Variants in VBP1 observed in about 807,000 individuals in gnomAD.
VBP1 encodes VHL binding protein 1.
Under a neutral mutation model 15.5 loss-of-function variants are expected in VBP1, and 4 were observed. The ratio of observed to expected loss-of-function variants is 0.26; its 90% CI spans 0.13 to 0.59. The LOEUF is 0.59. VBP1 is among the 20% of genes least tolerant of loss of function. The probability of loss-of-function intolerance (pLI) is 0.90; values close to 1 mark genes in which losing one functional copy is unlikely to be tolerated. For synonymous variants in VBP1, 61 were observed against 52.1 expected (o/e 1.17, Z -0.74); for missense variants, 108 against 139.6 (o/e 0.77, Z 1.14).
intron 4 of VBP1, among the ~76,000 whole-genome samples, chrX:155,230,944 C>T (rs1173333923): frequency 8.9e-6 from 1 of 111,775 alleles, no homozygotes. Flanking sequence ...TCCCAAAGTG[C>T]TGGGATTACA....
At chrX:155,226,875 A>G (rs2074722227) in intron 2 of VBP1, among the ~76,000 whole-genome samples, 1 of 112,040 alleles carries the variant, frequency 8.9e-6, no homozygotes. Context: ...AGTCTGCTCT[A>G]GAAATGTTAA....
intron 4 of VBP1, among the ~76,000 whole-genome samples, chrX:155,235,700 A>T (rs1050165297): frequency 7.1e-5 from 8 of 112,470 alleles, no homozygotes; most frequent in Admixed American, 4.7e-4. Context: ...TCTTTGAAAA[A>T]TTTTAAATTA....
intron 1 of VBP1, among the ~76,000 whole-genome samples, chrX:155,200,509 A>G (rs2074598626): frequency 9.0e-6 from 1 of 111,514 alleles, no homozygotes; most frequent in Non-Finnish European, 1.9e-5. Context: ...CTGAATGACT[A>G]CTGGGTACAT....
At chrX:155,207,249 A>T in intron 1 of VBP1, among the ~76,000 whole-genome samples, 1 of 111,762 alleles carries the variant, frequency 8.9e-6, no homozygotes, top group East Asian at 2.8e-4. Flanking sequence ...GGAATCGGGT[A>T]AAAAGTAGAT....
chrX:155,205,520 A>T (rs2074623220), intron 1 of VBP1, among the ~76,000 whole-genome samples: 1 of 111,408 alleles, frequency 9.0e-6, no homozygotes, highest in African/African-American at 3.3e-5. Context: ...TATTTTCAGA[A>T]TGCATCCTAA....
chrX:155,221,943 C>T (rs184054578), intron 2 of VBP1, among the ~76,000 whole-genome samples: 1 of 112,074 alleles, frequency 8.9e-6, no homozygotes, highest in Admixed American at 9.4e-5. Context: ...GAACAGTGTG[C>T]TCTCGTTTTG....
At chrX:155,224,289 C>T in intron 2 of VBP1, among the ~76,000 whole-genome samples, 1 of 112,690 alleles carries the variant, frequency 8.9e-6, no homozygotes, top group Non-Finnish European at 1.9e-5. Context: ...GAGATCACGC[C>T]ACTGCACTCC....
At chrX:155,229,641 G>C (rs368288085) in intron 4 of VBP1, among the ~76,000 whole-genome samples, 1 of 111,079 alleles carries the variant, frequency 9.0e-6, no homozygotes, top group Non-Finnish European at 1.9e-5. Context: ...TCTGTCTTTT[G>C]TAACTGTTCT....
At position 155,236,435 on chromosome X, in the gene VBP1, A is replaced by G. The variant is rs181806365; in HGVS notation, c.523+68A>G. On this transcript the variant is annotated intron_variant, in intron 5 of 5. Transcript: ENST00000286428. ...GATTTTTTTAAAAAAACATTCTTTCATGGGCAGAGGGAGAGCATTAGGAAA... is the reference window on the plus strand; with the variant it reads ...GATTTTTTTAAAAAAACATTCTTTCGTGGGCAGAGGGAGAGCATTAGGAAA... 1.9e-4 allele frequency: 218 copies of G among 1,123,548 alleles called. No homozygotes were observed. The East Asian group carries it at 5.6e-3, about 29-fold the overall frequency. The allele number at this position is 1,123,548 out of a possible 1,213,427, so 92.6% of individuals were successfully genotyped here.
At chrX:155,221,063 G>A (rs2074687173) in intron 2 of VBP1, among the ~76,000 whole-genome samples, 1 of 110,863 alleles carries the variant, frequency 9.0e-6, no homozygotes, top group Non-Finnish European at 1.9e-5. Context: ...GGGCCCGGCG[G>A]CTCGCACCTG....
At chrX:155,214,254 G>A (rs2074654128), upstream of VBP1, among the ~76,000 whole-genome samples, 1 of 112,169 alleles carries the variant, frequency 8.9e-6, no homozygotes, top group Non-Finnish European at 1.9e-5. Flanking sequence ...AAAATATCAA[G>A]CAACATTCAT....
intron 5 of VBP1, among the ~76,000 whole-genome samples, chrX:155,237,719 T>C (rs1313172427): frequency 2.7e-5 from 3 of 112,200 alleles, no homozygotes; most frequent in Non-Finnish European, 5.6e-5. Flanking sequence ...GTGCTCTTTT[T>C]TTACCCTTTT....
intron 5 of VBP1, 121 bp from the exon 6 acceptor site, chrX:155,238,651 C>T: frequency 1.1e-5 from 5 of 475,424 alleles, no homozygotes; most frequent in South Asian, 4.7e-5. Context: ...TATTTGTTAC[C>T]AGTATTTGTA....
chrX:155,219,995 C>T (rs1224502235), intron 1 of VBP1, among the ~76,000 whole-genome samples, 188 bp from the exon 2 acceptor site: 1 of 108,409 alleles, frequency 9.2e-6, no homozygotes, highest in African/African-American at 3.3e-5. Context: ...AAAAAAAAAT[C>T]TAAAATCCAA....
intron 4 of VBP1, among the ~76,000 whole-genome samples, chrX:155,230,753 A>G (rs1397685156): frequency 9.2e-6 from 1 of 108,306 alleles, no homozygotes; most frequent in African/African-American, 3.4e-5. Flanking sequence ...TTGTGATCTC[A>G]GCTCACTGCA....
chrX:155,211,508 G>A (rs1557308518), upstream of VBP1, among the ~76,000 whole-genome samples: 1 of 112,230 alleles, frequency 8.9e-6, no homozygotes, highest in Non-Finnish European at 1.9e-5. Flanking sequence ...GCTGATAGAG[G>A]CACTCGTCTC....
Position 155,216,494 on chromosome X carries a change from T to C in VBP1, c.12T>C (p.Val4=). The C allele has an allele frequency of 8.6e-7, 1 of 1,169,523 alleles. No individual in the cohort carries two copies. The highest frequency in any genetic ancestry group is 2.4e-4 in the Middle Eastern group (1 of 4,205). ...CTCGCATCCCCAAGATGGCGGCCGT[T>C]AAGGACAGTTGTGGCAAAGGAGAAA... The part of the protein sequence containing the change: MAA[V]KDSCGKGEMA... Residue 4 remains valine (V), a synonymous_variant, in exon 1 of 6, where the codon GTT becomes GTC. Transcript: ENST00000286428.
At chrX:155,222,800 A>G (rs1353092844) in intron 2 of VBP1, among the ~76,000 whole-genome samples, 1 of 110,892 alleles carries the variant, frequency 9.0e-6, no homozygotes, top group African/African-American at 3.3e-5. Context: ...AGTTGGAGAT[A>G]GTGAGTTAGG....
At position 155,239,055 on chromosome X, in the gene VBP1, T is replaced by A; in HGVS notation, c.*213T>A. On this transcript the variant is annotated 3_prime_UTR_variant, in exon 6 of 6. Coordinates refer to ENST00000286428, the MANE Select transcript of VBP1 (RefSeq NM_003372.7). ...ACATTTCTCAGCAAAGCTAATGGTA[T>A]TTTAATCATTATTTTTGCCTGTCAT... The A allele has an allele frequency of 3.4e-6, 1 of 297,230 alleles. No homozygotes were observed. 24.5% of individuals were successfully genotyped at this position (297,230 alleles called of 1,213,427 possible).
Sources: gnomAD v4.1 joint callset for allele counts (sites outside exome capture counted in the v4.1 genomes callset) on GRCh38, gnomAD v4.1.1 for gene constraint, MANE v1.5 for transcripts, NCBI Gene and HGNC (gene_info 2026-07-23, HGNC 2026-07-21) for gene names.